The following TNC variants were observed in gnomAD, a reference collection of about 807,000 sequenced individuals.
TNC encodes the protein tenascin.
TNC carries 109 observed loss-of-function variants against 202.4 expected under a neutral mutation model. The observed-to-expected ratio is 0.54, with a 90% CI of 0.46 to 0.63. TNC has a LOEUF of 0.63. Among genes scored for constraint, TNC ranks in the 30% least tolerant of loss-of-function variants. The probability of loss-of-function intolerance (pLI) is 0.00; values close to 1 mark genes in which losing one functional copy is unlikely to be tolerated. For missense variants in TNC, 2,756 were observed against 2,833.3 expected (o/e 0.97, Z 0.62); for synonymous variants, 1,007 against 1,089.7 (o/e 0.92, Z 1.50).
At chr9:115,034,900 C>T (rs1366870172) in intron 22 of TNC, among the ~76,000 whole-genome samples, 2 of 152,090 alleles carry the variant, frequency 1.3e-5, no homozygotes, top group African/African-American at 4.8e-5. Context: ...TGCAGAGAAA[C>T]CTTTTGGCCT....
chr9:115,106,793 A>G (rs1836651781), intron 1 of TNC, among the ~76,000 whole-genome samples: 1 of 152,186 alleles, frequency 6.6e-6, no homozygotes, highest in Admixed American at 6.5e-5. Flanking sequence ...AGCGTTTCAG[A>G]GGGGCTGGAA....
In TNC at chr9:115,086,933, G is replaced by A; in HGVS notation, c.798C>T (p.Gly266=). The A allele has an allele frequency of 6.2e-7, 1 of 1,614,100 alleles. No individual in the cohort carries two copies. Among genetic ancestry groups the A allele is most frequent in the Non-Finnish European group, 8.5e-7 (1 of 1,180,044 alleles). Residue 266 remains glycine (G), a synonymous_variant, in exon 3 of 28, where the codon GGC becomes GGT. Coordinates refer to ENST00000350763, the MANE Select transcript of TNC (RefSeq NM_002160.4). ...CSEEHGTCVD[G]LCVCHDGFAG... ...CAAAGCCATCGTGGCACACACACAA[G>A]CCATCTACACATGTGCCGTGCTCCT...
At chr9:115,027,534 G>C (rs1436230312) in intron 25 of TNC, among the ~76,000 whole-genome samples, 1 of 152,062 alleles carries the variant, frequency 6.6e-6, no homozygotes, top group Non-Finnish European at 1.5e-5. Flanking sequence ...AGGTTGCAGT[G>C]AGCTGAGATC....
In TNC at chr9:115,077,929, G is replaced by A. The variant is rs367928943; in HGVS notation, c.2674+14C>T. On this transcript the variant is annotated intron_variant, in intron 7 of 27. Coordinates refer to ENST00000350763, the MANE Select transcript of TNC (RefSeq NM_002160.4). ...TTCCTTTACTATATCTGTTAACAGG[G>A]GGAGGCCTTTTACCTGTTGTGAAGG... 1 of 1,611,442 alleles carries A rather than the reference G, an allele frequency of 6.2e-7. No individual in the cohort carries two copies. Among genetic ancestry groups the A allele is most frequent in the Non-Finnish European group, 8.5e-7 (1 of 1,177,944 alleles).
chr9:115,087,153 T>C lies in TNC; in HGVS notation c.578A>G (p.Asn193Ser), dbSNP rs755835691. 40 of 1,614,130 alleles carry C rather than the reference T, an allele frequency of 2.5e-5. 2 individuals carry two copies. The South Asian group carries it at 4.4e-4, about 18-fold the overall frequency. ...PNCSEPECPG[N>S]CHLRGRCIDG... ...AATGCACCGGCCTCGAAGGTGACAG[T>C]TGCCTGGACATTCGGGCTCAGAGCA... The change falls in exon 3 of 28, where the codon AAC becomes AGC. Residue 193 changes from asparagine (N) to serine (S), a missense_variant. Physicochemically the swap from Asn to Ser is conservative, Grantham distance 46. This residue lies in a region of TNC where 2,559 missense variants were observed against 2,546.0 expected (regional missense o/e 1.01). Coordinates refer to ENST00000350763, the MANE Select transcript of TNC (RefSeq NM_002160.4).
At chr9:115,053,630 G>C (rs1399861972) in intron 15 of TNC, among the ~76,000 whole-genome samples, 2 of 152,148 alleles carry the variant, frequency 1.3e-5, no homozygotes. Context: ...CATTGAACAT[G>C]TTTTAGAAAA....
chr9:115,036,120 G>A lies in TNC; in HGVS notation c.5634C>T (p.Thr1878=), dbSNP rs1472879513. The change falls in exon 21 of 28, where the codon ACC becomes ACT. Residue 1878 remains threonine, a synonymous_variant. Transcript: ENST00000350763. ...FAEKGPQKSS[T]ITAKFTTDLD... is the part of the protein sequence containing the mutation. ...TACCTGTTGTGAACTTGGCAGTGAT[G>A]GTTGAGCTCTTCTGGGGCCCTTTCT... 2 of 1,614,180 alleles carry A rather than the reference G, an allele frequency of 1.2e-6. No individual in the cohort carries two copies. The highest frequency in any genetic ancestry group is 2.2e-5 in the East Asian group (1 of 44,876).
chr9:115,059,463 A>G (rs1564451898), intron 14 of TNC, among the ~76,000 whole-genome samples: 2 of 152,196 alleles, frequency 1.3e-5, no homozygotes, highest in South Asian at 4.1e-4. Context: ...TCATCATTCA[A>G]AAAAGATGTA....
At chr9:115,096,264 A>C (rs561536369) in intron 1 of TNC, among the ~76,000 whole-genome samples, 1 of 152,186 alleles carries the variant, frequency 6.6e-6, no homozygotes, top group African/African-American at 2.4e-5. Flanking sequence ...CTTCGAATTC[A>C]TTGGTCTTGA....
chr9:115,076,071 C>A lies in TNC; in HGVS notation c.2911G>T (p.Asp971Tyr). 6.2e-7 allele frequency: 1 copy of A among 1,614,156 alleles called. No homozygotes were observed. The highest frequency in any genetic ancestry group is 8.5e-7 in the Non-Finnish European group (1 of 1,180,038). Residue 971 changes from aspartate to tyrosine, a missense_variant, in exon 9 of 28, where the codon GAC becomes TAC. Coordinates refer to ENST00000350763, the MANE Select transcript of TNC (RefSeq NM_002160.4). ...ATGGTCGCTGGATTGCTCTCCTTGTCTTCCTTCACAGCAGAAACTCCAATC... is the reference window on the plus strand; with the variant it reads ...ATGGTCGCTGGATTGCTCTCCTTGTATTCCTTCACAGCAGAAACTCCAATC... The part of the protein sequence containing the change: ...YGIGVSAVKE[D>Y]KESNPATINA...
At chr9:115,025,954 T>C (rs923545348) in intron 26 of TNC, among the ~76,000 whole-genome samples, 8 of 152,182 alleles carry the variant, frequency 5.3e-5, no homozygotes, top group African/African-American at 1.9e-4. Flanking sequence ...AGGCTGAGAC[T>C]AGATGACCAC....
At chr9:115,074,385 T>A (rs1400143973) in intron 9 of TNC, among the ~76,000 whole-genome samples, 1 of 152,226 alleles carries the variant, frequency 6.6e-6, no homozygotes, top group Non-Finnish European at 1.5e-5. Flanking sequence ...CCTTCTGTCC[T>A]GTGAGGACAC....
intron 13 of TNC, 32 bp from the exon 14 acceptor site, chr9:115,060,034 C>T: frequency 1.3e-6 from 2 of 1,563,356 alleles, no homozygotes; most frequent in Non-Finnish European, 1.7e-6. Flanking sequence ...TTTGTCAGTT[C>T]TATAAACCAA....
intron 4 of TNC, among the ~76,000 whole-genome samples, chr9:115,083,836 C>T (rs976685048): frequency 6.6e-6 from 1 of 152,084 alleles, no homozygotes; most frequent in East Asian, 1.9e-4. Flanking sequence ...AACTCGTGAC[C>T]CCAGGTGATC....
At chr9:115,079,718 G>T (rs1397177314) in intron 6 of TNC, among the ~76,000 whole-genome samples, 1 of 152,136 alleles carries the variant, frequency 6.6e-6, no homozygotes, top group Non-Finnish European at 1.5e-5. Flanking sequence ...GGAGCTTAAA[G>T]AAATAGATTT....
intron 1 of TNC, among the ~76,000 whole-genome samples, chr9:115,100,555 A>T (rs1836148677): frequency 6.6e-6 from 1 of 152,252 alleles, no homozygotes; most frequent in Admixed American, 6.5e-5. Flanking sequence ...TAAAGCTGAT[A>T]TTAAAATCCA....
intron 22 of TNC, among the ~76,000 whole-genome samples, chr9:115,032,526 C>T (rs1042837178): frequency 6.6e-6 from 1 of 152,138 alleles, no homozygotes; most frequent in African/African-American, 2.4e-5. Flanking sequence ...CTAAATATAG[C>T]TCTTTATCAC....
intron 1 of TNC, among the ~76,000 whole-genome samples, chr9:115,103,558 G>T (rs951598725): frequency 6.6e-6 from 1 of 152,140 alleles, no homozygotes; most frequent in Admixed American, 6.6e-5. Flanking sequence ...CAGGGTCATT[G>T]TGTGACCTTG....
rs1273751001 is a variant in TNC, at chr9:115,082,951, T to C, written c.2132-144A>G. 9 of 612,634 alleles carry C rather than the reference T, an allele frequency of 1.5e-5. No homozygotes were observed. The African/African-American group carries it at 1.5e-4, about 10-fold the overall frequency. The allele number at this position is 612,634 out of a possible 1,614,324, so 37.9% of individuals were successfully genotyped here. On this transcript the variant is annotated intron_variant, in intron 4 of 27. Transcript: ENST00000350763. Reference sequence around the variant, plus strand: ...GCAGGTGTCCTTTTAAAGCTTCTTCTGGGATGAGGTCTCTATGAGGCTGTA... The same window carrying C: ...GCAGGTGTCCTTTTAAAGCTTCTTCCGGGATGAGGTCTCTATGAGGCTGTA...
Sources: allele counts gnomAD v4.1 joint callset (sites outside exome capture counted in the v4.1 genomes callset), GRCh38; gene constraint gnomAD v4.1.1; regional missense constraint gnomAD v4.1.1; transcripts MANE v1.5; gene names NCBI Gene and HGNC (gene_info 2026-07-23, HGNC 2026-07-21).